Variants in COMMD1 observed in about 807,000 individuals in gnomAD.
The protein encoded by COMMD1 is copper metabolism domain containing 1.
Under a neutral mutation model 17.2 loss-of-function variants are expected in COMMD1, and 10 were observed. That is an observed-to-expected ratio of 0.58 (90% CI 0.36 to 0.99). The LOEUF is 0.99. Among genes scored for constraint, COMMD1 ranks in the 50% least tolerant of loss-of-function variants. The pLI, the probability that COMMD1 is intolerant of heterozygous loss-of-function variation, is 0.01. For missense variants in COMMD1, 270 were observed against 231.8 expected (o/e 1.17, Z -1.07); for synonymous variants, 97 against 91.6 (o/e 1.06, Z -0.34).
intron 2 of COMMD1, among the ~76,000 whole-genome samples, chr2:62,084,544 C>T (rs1029348908): frequency 2.0e-5 from 3 of 152,032 alleles, no homozygotes; most frequent in Non-Finnish European, 2.9e-5. Flanking sequence ...AGAAAATTTG[C>T]GTGTAAATGG....
At chr2:61,995,741 C>A (rs1192266999) in intron 1 of COMMD1, among the ~76,000 whole-genome samples, 1 of 152,172 alleles carries the variant, frequency 6.6e-6, no homozygotes, top group Non-Finnish European at 1.5e-5. Flanking sequence ...ATGGTGCTTT[C>A]AGAAAAATCA....
chr2:62,042,613 C>G (rs1670259322), intron 2 of COMMD1, among the ~76,000 whole-genome samples: 1 of 152,152 alleles, frequency 6.6e-6, no homozygotes. Flanking sequence ...TCCCTCCACA[C>G]CTCCCCGCGA....
rs114827067 is a variant in COMMD1 at position 62,072,991 on chromosome 2, G to A, written c.463-62840G>A. Among the ~76,000 whole-genome samples, 682 of 152,316 alleles carry A rather than the reference G, an allele frequency of 4.5e-3. 3 individuals are homozygous for A. The highest frequency in any genetic ancestry group is 7.7e-3 in the Non-Finnish European group (527 of 68,028). ...TGATAGTGCTAGCTGAGTGCAGTCC[G>A]CCAGGCCGAGTGGGGAAAGCAAGCC... On this transcript the variant is annotated intron_variant, in intron 2 of 2. Transcript: ENST00000311832.
chr2:62,001,966 G>A (rs954843826), intron 2 of COMMD1, among the ~76,000 whole-genome samples: 2 of 151,968 alleles, frequency 1.3e-5, no homozygotes, highest in East Asian at 1.9e-4. Context: ...TCAGGAGTTC[G>A]AGGCCAACCT....
At chr2:62,062,216 G>T (rs865856546) in intron 2 of COMMD1, among the ~76,000 whole-genome samples, 22 of 147,518 alleles carry the variant, frequency 1.5e-4, no homozygotes, top group South Asian at 4.3e-4. Context: ...TTGTTTTTCG[G>T]TTTTTTTTTG....
chr2:62,130,192 T>G (rs1482551167), intron 2 of COMMD1, among the ~76,000 whole-genome samples: 4 of 145,056 alleles, frequency 2.8e-5, no homozygotes, highest in Non-Finnish European at 6.0e-5. Flanking sequence ...CAAACAAGAG[T>G]CCCTTTGTGT....
Position 61,981,611 on chromosome 2 carries a change from A to ACT in COMMD1, c.181-19089_181-19088dup, listed in dbSNP as rs1357077112. ...TGGAAAGAGAAAGAGGTTTTAATGA[A>ACT]CTTACAGTTCCACGTGGCTGGGGAG... On this transcript the variant is annotated intron_variant, in intron 1 of 2. Transcript: ENST00000311832. Among the ~76,000 whole-genome samples the ACT allele has an allele frequency of 1.3e-5, 2 of 152,176 alleles. 1 individual carries two copies. Among genetic ancestry groups the ACT allele is most frequent in the African/African-American group, 4.8e-5 (2 of 41,442 alleles).
chr2:61,996,894 C>T (rs1668773056), intron 1 of COMMD1, among the ~76,000 whole-genome samples: 1 of 152,134 alleles, frequency 6.6e-6, no homozygotes, highest in Non-Finnish European at 1.5e-5. Flanking sequence ...CTTCCAAACT[C>T]CCTTTAATGT....
intron 2 of COMMD1, among the ~76,000 whole-genome samples, chr2:62,133,420 T>C (rs1242889500): frequency 6.6e-6 from 1 of 152,142 alleles, no homozygotes; most frequent in Non-Finnish European, 1.5e-5. Flanking sequence ...CGAAAAAGTT[T>C]TTCTCTGCCT....
intron 1 of COMMD1, among the ~76,000 whole-genome samples, chr2:61,937,621 T>G (rs973114695): frequency 2.6e-5 from 4 of 152,202 alleles, no homozygotes; most frequent in African/African-American, 9.6e-5. Flanking sequence ...AAGCCAAAGG[T>G]GAGGTTACAA....
Position 61,905,928 on chromosome 2 carries a change from C to G in COMMD1, c.180+70C>G, listed in dbSNP as rs184393996. The G allele has an allele frequency of 9.3e-4, 1,379 of 1,485,734 alleles. 22 individuals are homozygous for G. The East Asian group carries it at 0.019, about 20-fold the overall frequency. The allele number at this position is 1,485,734 out of a possible 1,614,324, so 92.0% of individuals were successfully genotyped here. ...GGCCGCTGGCTTCAGACTCTCCCCC[C>G]CTTGCCTTCCCCTGTCCTCACAAGC... On this transcript the variant is annotated intron_variant, in intron 1 of 2. Transcript: ENST00000311832.
At chr2:62,012,076 C>T (rs553735179) in intron 2 of COMMD1, among the ~76,000 whole-genome samples, 11 of 151,994 alleles carry the variant, frequency 7.2e-5, no homozygotes, top group South Asian at 2.1e-4. Flanking sequence ...GGTGAAACTC[C>T]GTCTCTACTA....
chr2:62,052,118 C>T (rs1233192960), intron 2 of COMMD1, among the ~76,000 whole-genome samples: 1 of 152,142 alleles, frequency 6.6e-6, no homozygotes, highest in Non-Finnish European at 1.5e-5. Context: ...TTAAGTTCAG[C>T]TGCAAATAAT....
intron 2 of COMMD1, among the ~76,000 whole-genome samples, chr2:62,056,468 C>G (rs1159160660): frequency 6.6e-6 from 1 of 152,182 alleles, no homozygotes; most frequent in Non-Finnish European, 1.5e-5. Flanking sequence ...GGTGGCAAAA[C>G]TTGCTTGTGT....
intron 1 of COMMD1, among the ~76,000 whole-genome samples, chr2:61,916,593 A>G (rs893710489): frequency 1.3e-5 from 2 of 151,136 alleles, no homozygotes; most frequent in African/African-American, 4.9e-5. Context: ...GGCTAATTTA[A>G]AAAAAAAATT....
At chr2:62,046,574 G>A (rs1448855875) in intron 2 of COMMD1, among the ~76,000 whole-genome samples, 1 of 149,624 alleles carries the variant, frequency 6.7e-6, no homozygotes, top group Admixed American at 6.6e-5. Flanking sequence ...TAGAACGTAC[G>A]ATGAAGCATT....
In COMMD1 at chr2:61,996,870, G is replaced by T. The variant is rs74261695; in HGVS notation, c.181-3831G>T. Among the ~76,000 whole-genome samples, 49 of 152,180 alleles carry T rather than the reference G, an allele frequency of 3.2e-4. No individual in the cohort carries two copies. In the East Asian group the frequency reaches 8.5e-3, roughly 26 times the overall value. ...GGACTCCTCGAAGTCATCCATGAGG[G>T]ATGGAATCAACTTCTTCCAAACTCC... On this transcript the variant is annotated intron_variant, in intron 1 of 2. Coordinates refer to ENST00000311832, the MANE Select transcript of COMMD1 (RefSeq NM_152516.4).
chr2:62,088,322 C>A (rs150890669), intron 2 of COMMD1, among the ~76,000 whole-genome samples: 1 of 152,090 alleles, frequency 6.6e-6, no homozygotes, highest in East Asian at 1.9e-4. Flanking sequence ...ATGTCTTTAG[C>A]TCTCCCTTTT....
At chr2:61,976,831 ATT>A (rs776935788) in intron 1 of COMMD1, among the ~76,000 whole-genome samples, 6 of 144,160 alleles carry the variant, frequency 4.2e-5, no homozygotes, top group East Asian at 2.0e-4. Flanking sequence ...GTGATGTGGG[ATT>A]TTTTTTTTTT....
Sources: gnomAD v4.1 joint callset for allele counts (sites outside exome capture counted in the v4.1 genomes callset) on GRCh38, gnomAD v4.1.1 for gene constraint, MANE v1.5 for transcripts, NCBI Gene and HGNC (gene_info 2026-07-23, HGNC 2026-07-21) for gene names.